The following RBFOX1 variants were observed in gnomAD, a reference collection of about 807,000 sequenced individuals.
RBFOX1 encodes RNA binding protein fox-1 homolog 1.
In RBFOX1, 8 loss-of-function variants were observed where a neutral mutation model predicts 57.7. The ratio of observed to expected loss-of-function variants is 0.14; its 90% CI spans 0.08 to 0.25. The LOEUF (loss-of-function observed/expected upper bound fraction) is 0.25, where lower values mean the gene tolerates loss of function less well. Among genes scored for constraint, RBFOX1 ranks in the 10% least tolerant of loss-of-function variants. RBFOX1 has a pLI of 1.00. For missense variants in RBFOX1, 611 were observed against 548.5 expected (o/e 1.11, Z -1.14); for synonymous variants, 326 against 222.4 (o/e 1.47, Z -4.15).
chr16:7,259,688 T>C lies in RBFOX1; in HGVS notation c.27+207590T>C, dbSNP rs772911157. The stretch of plus-strand genomic sequence containing the variant: ...TATCACTAACTTGAGAGGTGACTGT[T>C]TTCTGATGTTTATACATCACTCACT... On this transcript the variant is annotated intron_variant, in intron 4 of 15. Transcript: ENST00000550418. 7.2e-5 allele frequency among the ~76,000 whole-genome samples: 11 copies of C among 152,338 alleles called. No individual in the cohort carries two copies. The South Asian group carries it at 8.3e-4, about 11-fold the overall frequency.
At chr16:6,492,931 A>G (rs1208609063) in intron 2 of RBFOX1, among the ~76,000 whole-genome samples, 1 of 152,242 alleles carries the variant, frequency 6.6e-6, no homozygotes, top group Non-Finnish European at 1.5e-5. Flanking sequence ...AGGGACTATA[A>G]ACAGTGATTA....
chr16:6,237,581 A>C (rs2097515058), intron 1 of RBFOX1, among the ~76,000 whole-genome samples: 2 of 152,140 alleles, frequency 1.3e-5, no homozygotes, highest in African/African-American at 4.8e-5. Context: ...GTCTTTACTA[A>C]AAATACAAAA....
At chr16:5,689,287 A>G (rs992705500) in intron 3 of RBFOX1, among the ~76,000 whole-genome samples, 1 of 152,226 alleles carries the variant, frequency 6.6e-6, no homozygotes, top group Non-Finnish European at 1.5e-5. Context: ...CCTGCTGGTA[A>G]TGTGGGTATC....
rs553119658 is a variant in RBFOX1 at position 5,729,661 on chromosome 16, C to T, written c.318+130700C>T. Among the ~76,000 whole-genome samples, 16 of 152,258 alleles carry T rather than the reference C, an allele frequency of 1.1e-4. No homozygotes were observed. The East Asian group carries it at 3.1e-3, about 29-fold the overall frequency. ...CTAAAGGTCTCAAGCAAGGAGGAAA[C>T]TGGCCACAAACTCCACTCAGGTATT... is the stretch of plus-strand genomic sequence containing the variant. On this transcript the variant is annotated intron_variant, in intron 3 of 19. Transcript: ENST00000641259.
intron 3 of RBFOX1, among the ~76,000 whole-genome samples, chr16:7,009,260 TCC>T (rs2153652493): frequency 7.0e-6 from 1 of 141,960 alleles, no homozygotes; most frequent in African/African-American, 2.8e-5. Flanking sequence ...CTCCTTCCTC[TCC>T]TTCCTCTTCT....
chr16:5,489,496 C>G (rs547067233), intron 2 of RBFOX1, among the ~76,000 whole-genome samples: 44 of 152,330 alleles, frequency 2.9e-4, no homozygotes, highest in Admixed American at 5.9e-4. Context: ...GCTGTCTGAC[C>G]TTGGGCAGGA....
intron 3 of RBFOX1, among the ~76,000 whole-genome samples, chr16:5,665,253 C>T (rs1040297235): frequency 3.9e-5 from 6 of 152,042 alleles, no homozygotes; most frequent in African/African-American, 1.2e-4. Context: ...TTCTGGCCAA[C>T]CTCTTTTCTG....
intron 1 of RBFOX1, among the ~76,000 whole-genome samples, chr16:6,262,870 G>T (rs907397221): frequency 7.9e-5 from 12 of 152,134 alleles, no homozygotes; most frequent in African/African-American, 2.7e-4. Context: ...AACCCTCATG[G>T]AAATAACAGA....
intron 3 of RBFOX1, among the ~76,000 whole-genome samples, chr16:6,953,827 T>G (rs1287728997): frequency 6.6e-6 from 1 of 152,192 alleles, no homozygotes; most frequent in Non-Finnish European, 1.5e-5. Context: ...CCGAGAAAAA[T>G]AACTCTTGGA....
At chr16:7,164,404 C>T (rs998652932) in intron 4 of RBFOX1, among the ~76,000 whole-genome samples, 1 of 152,168 alleles carries the variant, frequency 6.6e-6, no homozygotes. Context: ...TTTGCAATTA[C>T]AAATAGTGCT....
chr16:6,989,250 T>G (rs938323523), intron 3 of RBFOX1, among the ~76,000 whole-genome samples: 2 of 152,184 alleles, frequency 1.3e-5, no homozygotes, highest in South Asian at 4.1e-4. Flanking sequence ...CATGTATTGC[T>G]TGCATTATTT....
intron 3 of RBFOX1, among the ~76,000 whole-genome samples, chr16:6,851,654 C>A (rs1037944146): frequency 6.6e-6 from 1 of 152,086 alleles, no homozygotes; most frequent in Non-Finnish European, 1.5e-5. Flanking sequence ...AGGGAAAGAA[C>A]AAGGCTCTAG....
At chr16:6,646,233 A>C (rs1161709972) in intron 2 of RBFOX1, among the ~76,000 whole-genome samples, 4 of 152,140 alleles carry the variant, frequency 2.6e-5, no homozygotes. Flanking sequence ...TGATCCGAAC[A>C]ATAATTTGTT....
chr16:6,149,429 CG>C, intron 1 of RBFOX1, among the ~76,000 whole-genome samples: 1 of 152,248 alleles, frequency 6.6e-6, no homozygotes, highest in South Asian at 2.1e-4. Context: ...TAGAAGTACC[CG>C]TGTATGCTTT....
chr16:5,859,967 A>T (rs1325951131), intron 3 of RBFOX1, among the ~76,000 whole-genome samples: 1 of 152,184 alleles, frequency 6.6e-6, no homozygotes, highest in African/African-American at 2.4e-5. Context: ...CGTGGGACTG[A>T]TCCCAAAGCA....
Position 7,710,806 on chromosome 16 carries a change from A to G in RBFOX1, c.*61A>G. On this transcript the variant is annotated 3_prime_UTR_variant, in exon 16 of 16. Transcript: ENST00000550418. ...AAAGGAAGCTTTCCGAGGCCTGAGT[A>G]TTGCAATACATGCAGTAGTACATCA... 5 of 1,387,550 alleles carry G rather than the reference A, an allele frequency of 3.6e-6. No homozygotes were observed. The highest frequency in any genetic ancestry group is 4.8e-6 in the Non-Finnish European group (5 of 1,039,904). 86.0% of individuals were successfully genotyped at this position (1,387,550 alleles called of 1,614,324 possible). A position where few individuals can be genotyped will look rare whatever the true frequency, so the allele number is the denominator to read the frequency against.
At chr16:6,631,462 G>A (rs193181197) in intron 2 of RBFOX1, among the ~76,000 whole-genome samples, 5 of 152,018 alleles carry the variant, frequency 3.3e-5, no homozygotes, top group South Asian at 2.1e-4. Flanking sequence ...GTGTAGCAAC[G>A]TGTGTAAAAA....
chr16:7,242,850 C>T (rs1389621256), intron 4 of RBFOX1, among the ~76,000 whole-genome samples: 2 of 152,158 alleles, frequency 1.3e-5, no homozygotes, highest in African/African-American at 4.8e-5. Flanking sequence ...TTGGACTGTG[C>T]TGGTGAGAGA....
At chr16:5,448,557 C>T (rs1244797129) in intron 1 of RBFOX1, among the ~76,000 whole-genome samples, 2 of 152,186 alleles carry the variant, frequency 1.3e-5, no homozygotes, top group African/African-American at 4.8e-5. Flanking sequence ...TCTGTGCAGG[C>T]AGGAGACTGG....
Sources: allele counts gnomAD v4.1 joint callset (sites outside exome capture counted in the v4.1 genomes callset), GRCh38; gene constraint gnomAD v4.1.1; transcripts MANE v1.5; gene names NCBI Gene and HGNC (gene_info 2026-07-23, HGNC 2026-07-21).